The following MYOF variants were observed in gnomAD, a reference collection of about 807,000 sequenced individuals.
MYOF encodes myoferlin.
A neutral mutation model predicts 284.2 loss-of-function variants in MYOF; 244 were observed. The observed-to-expected ratio is 0.86, with a 90% CI of 0.77 to 0.95. The LOEUF (loss-of-function observed/expected upper bound fraction) is 0.95. Among genes scored for constraint, MYOF ranks in the 40% least tolerant of loss-of-function variants. MYOF has a pLI of 0.00. For missense variants in MYOF, 2,496 were observed against 2,560.6 expected (o/e 0.97, Z 0.54); for synonymous variants, 904 against 919.7 (o/e 0.98, Z 0.31).
At chr10:93,457,773 G>A (rs114314557) in intron 1 of MYOF, among the ~76,000 whole-genome samples, 2,228 of 146,654 alleles carry the variant, frequency 0.015, 63 homozygotes, top group African/African-American at 0.053. Context: ...TCGCGAGGTC[G>A]CCCAGGCTGG....
At chr10:93,409,512 T>C (rs1446759391) in intron 6 of MYOF, 61 bp downstream of exon 6, 2 of 1,568,328 alleles carry the variant, frequency 1.3e-6, no homozygotes, top group African/African-American at 1.4e-5. Context: ...ATCACTGCAA[T>C]TGCCAGAAGA....
At chr10:93,307,525 C>G (rs1842168445) in intron 53 of MYOF, among the ~76,000 whole-genome samples, 2 of 151,998 alleles carry the variant, frequency 1.3e-5, no homozygotes, top group South Asian at 4.1e-4. Context: ...TGGACTCTGT[C>G]TCCTGACCTC....
intron 3 of MYOF, among the ~76,000 whole-genome samples, chr10:93,439,564 C>G (rs910619597): frequency 6.6e-6 from 1 of 152,176 alleles, no homozygotes; most frequent in Admixed American, 6.5e-5. Context: ...TGACTAGGAA[C>G]GTGGAGGCAG....
chr10:93,478,836 A>G (rs79130878), intron 1 of MYOF, among the ~76,000 whole-genome samples: 107 of 58,786 alleles, frequency 1.8e-3, no homozygotes, highest in Non-Finnish European at 2.5e-3. Context: ...AAAAAAAAAA[A>G]AAAAAAAGAA....
At chr10:93,428,313 G>A (rs1323585367) in intron 4 of MYOF, among the ~76,000 whole-genome samples, 1 of 150,428 alleles carries the variant, frequency 6.6e-6, no homozygotes, top group Non-Finnish European at 1.5e-5. Context: ...TGATTCTCCT[G>A]CTTCAGCCTC....
chr10:93,454,987 T>TAAA (rs56013436), intron 2 of MYOF, among the ~76,000 whole-genome samples: 894 of 58,566 alleles, frequency 0.015, 63 homozygotes, highest in African/African-American at 0.056. Flanking sequence ...TTTTTTTAAT[T>TAAA]AAAAAAAAAA....
chr10:93,326,759 G>A (rs866232488), intron 45 of MYOF, among the ~76,000 whole-genome samples: 1 of 152,024 alleles, frequency 6.6e-6, no homozygotes, highest in Non-Finnish European at 1.5e-5. Flanking sequence ...CGAGTAGCTG[G>A]GATTACAGGC....
rs928871336 is a variant in MYOF, at chr10:93,359,735, T to C, written c.3120+98A>G. ...CTTGAGTGGAGTGTTAGGCTCTGGA[T>C]TTGCAAATAATTTCTGCAGAAATGG... On this transcript the variant is annotated intron_variant, in intron 29 of 53. Transcript: ENST00000359263. 2.6e-6 allele frequency: 4 copies of C among 1,519,730 alleles called. No individual in the cohort carries two copies. The African/African-American group carries it at 5.5e-5, about 21-fold the overall frequency. The allele number at this position is 1,519,730 out of a possible 1,614,324, so 94.1% of individuals were successfully genotyped here.
At position 93,310,057 on chromosome 10, in the gene MYOF, AG is replaced by A; in HGVS notation, c.6109del (p.Leu2037CysfsTer18). The A allele has an allele frequency of 6.2e-7, 1 of 1,614,158 alleles. No homozygotes were observed. Among genetic ancestry groups the A allele is most frequent in the Non-Finnish European group, 8.5e-7 (1 of 1,180,030 alleles). On this transcript the variant is annotated frameshift_variant, in exon 53 of 54. Transcript: ENST00000359263. LOFTEE classifies it high-confidence loss of function. The part of the protein sequence containing the change: ...VIIGLLFLLI[L>X]LLFVAVLLYS... ...GAGGAGCACGGCCACGAAGAGCAGC[AG>A]GATAAGCAGGAACAGCAAGCCGATG...
intron 39 of MYOF, among the ~76,000 whole-genome samples, chr10:93,338,892 G>C (rs1843738825): frequency 2.0e-5 from 3 of 149,696 alleles, no homozygotes; most frequent in Admixed American, 6.7e-5. Flanking sequence ...CCCCCTCTTT[G>C]CTTATTTTAA....
intron 39 of MYOF, chr10:93,338,181 TACAC>T: frequency 2.0e-6 from 1 of 510,412 alleles, no homozygotes. Context: ...TTATGTCTTT[TACAC>T]ACAGTCTATT....
intron 3 of MYOF, among the ~76,000 whole-genome samples, chr10:93,449,426 G>A (rs752882452): frequency 2.0e-5 from 3 of 152,204 alleles, no homozygotes; most frequent in Non-Finnish European, 4.4e-5. Flanking sequence ...AAGCAAAGAA[G>A]AGGAGGGCCT....
rs1846541978 is a variant in MYOF, at chr10:93,389,029, C to A, written c.1581+1G>T. 2 of 1,611,170 alleles carry A rather than the reference C, an allele frequency of 1.2e-6. No homozygotes were observed. The highest frequency in any genetic ancestry group is 1.1e-5 in the South Asian group (1 of 90,188). ...ATAACCACCTTAATTGAGAAACCAA[C>A]CTTTCCAGTATTCAGCTCATCATAG... On this transcript the variant is annotated splice_donor_variant, in intron 18 of 53. Transcript: ENST00000359263. LOFTEE classifies it high-confidence loss of function.
At chr10:93,321,431 T>C (rs1842837100) in intron 48 of MYOF, among the ~76,000 whole-genome samples, 1 of 147,460 alleles carries the variant, frequency 6.8e-6, no homozygotes, top group South Asian at 2.1e-4. Context: ...TTTTTTTTTT[T>C]TTTTACAAGA....
At chr10:93,455,760 C>A (rs973975616) in intron 2 of MYOF, among the ~76,000 whole-genome samples, 2 of 152,024 alleles carry the variant, frequency 1.3e-5, no homozygotes, top group Non-Finnish European at 2.9e-5. Flanking sequence ...TGGAGGGGAG[C>A]CTTCATGGCC....
chr10:93,465,788 T>G (rs551695270), intron 1 of MYOF, among the ~76,000 whole-genome samples: 101 of 152,314 alleles, frequency 6.6e-4, no homozygotes, highest in Middle Eastern at 6.8e-3. Context: ...GTGCTGGGAT[T>G]ACAGGCGTGA....
chr10:93,410,154 G>A (rs1251241991), intron 5 of MYOF, among the ~76,000 whole-genome samples: 1 of 152,152 alleles, frequency 6.6e-6, no homozygotes, highest in Non-Finnish European at 1.5e-5. Context: ...CTTCTCTCTA[G>A]AGATCTGCTC....
In MYOF at chr10:93,316,725, T is replaced by C. The variant is rs1842627583; in HGVS notation, c.5687A>G (p.Asp1896Gly). 6.2e-7 allele frequency: 1 copy of C among 1,612,832 alleles called. No individual in the cohort carries two copies. The highest frequency in any genetic ancestry group is 1.3e-5 in the African/African-American group (1 of 74,880). The change falls in exon 50 of 54, where the codon GAT becomes GGT. Residue 1896 changes from aspartate (D) to glycine (G), a missense_variant. Coordinates refer to ENST00000359263, the MANE Select transcript of MYOF (RefSeq NM_013451.4). ...QIWDNDKFSL[D>G]DYLGFLELDL... is the part of the protein sequence containing the mutation. Reference sequence around the variant, plus strand: ...AATGTAAGCCCTACCCAAGTAGTCATCCAGAGAAAACTTGTCATTGTCCCA... The same window carrying C: ...AATGTAAGCCCTACCCAAGTAGTCACCCAGAGAAAACTTGTCATTGTCCCA...
At chr10:93,356,413 GA>G (rs1844805900) in intron 30 of MYOF, among the ~76,000 whole-genome samples, 1 of 152,180 alleles carries the variant, frequency 6.6e-6, no homozygotes, top group South Asian at 2.1e-4. Context: ...AAGGGTCCTG[GA>G]ACAGATATAT....
Sources: gnomAD v4.1 joint callset for allele counts (sites outside exome capture counted in the v4.1 genomes callset) on GRCh38, gnomAD v4.1.1 for gene constraint, MANE v1.5 for transcripts, NCBI Gene and HGNC (gene_info 2026-07-23, HGNC 2026-07-21) for gene names.